Variants in DNAL1 observed in about 807,000 individuals in gnomAD.
DNAL1 encodes dynein axonemal light chain 1.
Under a neutral mutation model 29.4 loss-of-function variants are expected in DNAL1, and 17 were observed. That is an observed-to-expected ratio of 0.58 (90% CI 0.40 to 0.87). The LOEUF is 0.87. DNAL1 is among the 40% of genes least tolerant of loss of function. The probability of loss-of-function intolerance (pLI) is 0.00; values close to 1 mark genes in which losing one functional copy is unlikely to be tolerated. For missense variants in DNAL1, 188 were observed against 214.1 expected (o/e 0.88, Z 0.76); for synonymous variants, 78 against 76.3 (o/e 1.02, Z -0.12).
rs1475477749 is a variant in DNAL1 at position 73,667,601 on chromosome 14, C to T, written c.209-3941C>T. Among the ~76,000 whole-genome samples the T allele has an allele frequency of 3.3e-5, 5 of 152,220 alleles. 1 individual carries two copies. In the South Asian group the frequency reaches 6.2e-4, roughly 19 times the overall value. On this transcript the variant is annotated intron_variant, in intron 4 of 7. Coordinates refer to ENST00000553645, the MANE Select transcript of DNAL1 (RefSeq NM_031427.4). ...GCAACCTCTACCTCCTGGGCTCAAG[C>T]GATCCTCCCACCTCAGCCTCCTGAG...
In DNAL1 at chr14:73,671,605, G is replaced by T; in HGVS notation, c.264+8G>T. Reference sequence around the variant, plus strand: ...AAGAACTTAAATGGACTGGTAGGTTGTTATTTATTATTATTTTATTTATTT... The same window carrying T: ...AAGAACTTAAATGGACTGGTAGGTTTTTATTTATTATTATTTTATTTATTT... On this transcript the variant is annotated splice_region_variant and intron_variant, in intron 5 of 7. Transcript: ENST00000553645. 1 of 1,447,898 alleles carries T rather than the reference G, an allele frequency of 6.9e-7. No individual in the cohort carries two copies. The highest frequency in any genetic ancestry group is 9.2e-7 in the Non-Finnish European group (1 of 1,091,582). 89.7% of individuals were successfully genotyped at this position (1,447,898 alleles called of 1,614,324 possible).
At chr14:73,680,434 G>GTCT (rs1318744307) in intron 5 of DNAL1, among the ~76,000 whole-genome samples, 1 of 152,090 alleles carries the variant, frequency 6.6e-6, no homozygotes, top group African/African-American at 2.4e-5. Context: ...TATTTTTTAT[G>GTCT]TCCTTCAGTA....
At chr14:73,660,792 C>T (rs970815416) in intron 3 of DNAL1, among the ~76,000 whole-genome samples, 9 of 152,186 alleles carry the variant, frequency 5.9e-5, no homozygotes, top group African/African-American at 2.2e-4. Flanking sequence ...AAAGCCATCT[C>T]AAAGGCAAAC....
At chr14:73,674,877 G>A (rs1215354914) in intron 5 of DNAL1, among the ~76,000 whole-genome samples, 3 of 151,168 alleles carry the variant, frequency 2.0e-5, no homozygotes, top group Admixed American at 1.3e-4. Context: ...TTTGAGCCAG[G>A]GTCTCACTGT....
At chr14:73,692,251 G>T (rs1290294731) in intron 7 of DNAL1, among the ~76,000 whole-genome samples, 1 of 152,142 alleles carries the variant, frequency 6.6e-6, no homozygotes, top group African/African-American at 2.4e-5. Flanking sequence ...GGAGGCCGAG[G>T]TGGGTGGATC....
chr14:73,669,569 C>G (rs1891570283), intron 4 of DNAL1, among the ~76,000 whole-genome samples: 1 of 152,166 alleles, frequency 6.6e-6, no homozygotes, highest in African/African-American at 2.4e-5. Context: ...GCCACCACGC[C>G]CGGTCTAAAT....
At chr14:73,688,756 A>G (rs1029486177) in intron 6 of DNAL1, among the ~76,000 whole-genome samples, 11 of 152,358 alleles carry the variant, frequency 7.2e-5, no homozygotes, top group African/African-American at 2.2e-4. Context: ...GCAGCACAGC[A>G]TGAAGAAGAC....
At chr14:73,681,633 A>AAAAATATATATATATATAT in intron 5 of DNAL1, among the ~76,000 whole-genome samples, 1 of 35,412 alleles carries the variant, frequency 2.8e-5, no homozygotes, top group Non-Finnish European at 4.1e-5. Flanking sequence ...AAAAAAAAAA[A>AAAAATATATATATATATAT]ATATATATAT....
At chr14:73,685,126 TACATA>T (rs1891986839) in intron 5 of DNAL1, among the ~76,000 whole-genome samples, 1 of 149,556 alleles carries the variant, frequency 6.7e-6, no homozygotes, top group Non-Finnish European at 1.5e-5. Context: ...TGGTGAAATA[TACATA>T]ACATAAAGTT....
Position 73,671,557 on chromosome 14 carries a change from T to C in DNAL1, c.224T>C (p.Leu75Ser). Residue 75 changes from leucine to serine, a missense_variant, in exon 5 of 8, where the codon TTA becomes TCA. Leu to Ser is a moderately radical substitution (Grantham distance 145). Transcript: ENST00000553645. The stretch of plus-strand genomic sequence containing the variant: ...TTCACTACAGAAAACTTGAGGATAT[T>C]ATCTTTAGGAAGAAACAACATAAAG... Reference protein sequence around the residue: ...NLNGLKNLRILSLGRNNIKNL... With the variant: ...NLNGLKNLRISSLGRNNIKNL... 1.3e-6 allele frequency: 2 copies of C among 1,493,652 alleles called. No individual in the cohort carries two copies. Among genetic ancestry groups the C allele is most frequent in the Non-Finnish European group, 1.8e-6 (2 of 1,116,356 alleles). 92.5% of individuals were successfully genotyped at this position (1,493,652 alleles called of 1,614,324 possible).
intron 4 of DNAL1, among the ~76,000 whole-genome samples, chr14:73,664,530 G>A (rs1372450410): frequency 6.6e-6 from 1 of 152,040 alleles, no homozygotes; most frequent in Admixed American, 6.6e-5. Context: ...AATTTTCACT[G>A]AGAACAGCTT....
intron 5 of DNAL1, among the ~76,000 whole-genome samples, chr14:73,680,715 A>G (rs1891855008): frequency 1.3e-5 from 2 of 152,196 alleles, no homozygotes; most frequent in Non-Finnish European, 2.9e-5. Context: ...TGACTGGGAT[A>G]TATTCTGAGA....
intron 1 of DNAL1, among the ~76,000 whole-genome samples, chr14:73,652,807 TTGAATC>T (rs1891138871): frequency 6.6e-6 from 1 of 152,226 alleles, no homozygotes; most frequent in African/African-American, 2.4e-5. Flanking sequence ...ACAAATATAT[TTGAATC>T]TGTAAGTTTC....
intron 4 of DNAL1, among the ~76,000 whole-genome samples, chr14:73,667,915 T>G (rs1033880935): frequency 2.6e-5 from 4 of 152,220 alleles, no homozygotes; most frequent in African/African-American, 9.7e-5. Context: ...TTATTTCCTC[T>G]AATTTCTTTC....
intron 5 of DNAL1, among the ~76,000 whole-genome samples, chr14:73,683,165 C>G (rs569281035): frequency 6.6e-6 from 1 of 152,008 alleles, no homozygotes; most frequent in African/African-American, 2.4e-5. Flanking sequence ...CGTGAGCCAC[C>G]GCGCCCAGCC....
At chr14:73,645,511 G>C (rs1890958593) in intron 1 of DNAL1, among the ~76,000 whole-genome samples, 1 of 152,128 alleles carries the variant, frequency 6.6e-6, no homozygotes, top group African/African-American at 2.4e-5. Flanking sequence ...ATGACTACGA[G>C]GGCAGTTATT....
At position 73,662,842 on chromosome 14, in the gene DNAL1, G is replaced by A. The variant is rs116258538; in HGVS notation, c.208+800G>A. Reference sequence around the variant, plus strand: ...TTTTTTTTTTGCCATATAAGGTAACGTTCACAGGTTCCAGGCATTAGAATG... The same window carrying A: ...TTTTTTTTTTGCCATATAAGGTAACATTCACAGGTTCCAGGCATTAGAATG... On this transcript the variant is annotated intron_variant, in intron 4 of 7. Coordinates refer to ENST00000553645, the MANE Select transcript of DNAL1 (RefSeq NM_031427.4). Among the ~76,000 whole-genome samples the A allele has an allele frequency of 8.2e-3, 1,188 of 144,442 alleles. 22 individuals are homozygous for A. The highest frequency in any genetic ancestry group is 0.029 in the African/African-American group (1,124 of 38,682). The allele number at this position is 144,442 out of a possible 152,430, so 94.8% of individuals were successfully genotyped here.
At position 73,658,975 on chromosome 14, in the gene DNAL1, C is replaced by T; in HGVS notation, c.152+19C>T. 7.1e-7 allele frequency: 1 copy of T among 1,405,394 alleles called. No individual in the cohort carries two copies. The highest frequency in any genetic ancestry group is 9.4e-7 in the Non-Finnish European group (1 of 1,058,680). 87.1% of individuals were successfully genotyped at this position (1,405,394 alleles called of 1,614,324 possible). A position where few individuals can be genotyped will look rare whatever the true frequency, so the allele number is the denominator to read the frequency against. ...ATTGCGAGTAAGTTCTCTTTTCATC[C>T]TTCCAGTATTGCTGTTAGGTTTCCC... On this transcript the variant is annotated intron_variant, in intron 3 of 7. Coordinates refer to ENST00000553645, the MANE Select transcript of DNAL1 (RefSeq NM_031427.4).
chr14:73,695,437 C>T (rs1271683394), intron 7 of DNAL1, among the ~76,000 whole-genome samples: 1 of 151,926 alleles, frequency 6.6e-6, no homozygotes, highest in Non-Finnish European at 1.5e-5. Flanking sequence ...TGAGAATTCC[C>T]CTGAGAAGCT....
Sources: allele counts gnomAD v4.1 joint callset (sites outside exome capture counted in the v4.1 genomes callset), GRCh38; gene constraint gnomAD v4.1.1; transcripts MANE v1.5; gene names NCBI Gene and HGNC (gene_info 2026-07-23, HGNC 2026-07-21).